OSBPL6: variants seen among roughly 807,000 people sequenced by gnomAD.
OSBPL6 encodes oxysterol-binding protein-related protein 6.
A neutral mutation model predicts 125.8 loss-of-function variants in OSBPL6; 49 were observed. That is an observed-to-expected ratio of 0.39 (90% confidence interval 0.31 to 0.49). OSBPL6 has a LOEUF of 0.49. Among genes scored for constraint, OSBPL6 ranks in the 20% least tolerant of loss-of-function variants. The pLI is 0.88. For synonymous variants in OSBPL6, 394 were observed against 391.8 expected, an observed-to-expected ratio of 1.01 and a Z score of -0.07; for missense variants, 986 against 1,135.4, an observed-to-expected ratio of 0.87 and a Z score of 1.89.
chr2:178,289,229 G>A (rs1360453103), intron 2 of OSBPL6, among the ~76,000 whole-genome samples: 1 of 150,736 alleles, frequency 6.6e-6, no homozygotes, highest in Non-Finnish European at 1.5e-5. Context: ...TATTGGCCAG[G>A]CTGGTCTCAA....
intron 1 of OSBPL6, among the ~76,000 whole-genome samples, chr2:178,260,379 ATG>A (rs2092020182): frequency 6.6e-6 from 1 of 152,024 alleles, no homozygotes; most frequent in Non-Finnish European, 1.5e-5. Context: ...GTATATGTAT[ATG>A]TGTATGTGTA....
In OSBPL6 at chr2:178,331,554, T is replaced by G; in HGVS notation, c.321T>G (p.Arg107=). Residue 107 remains arginine (R), a splice_region_variant and synonymous_variant, in exon 6 of 25, where the codon CGT becomes CGG. Coordinates refer to ENST00000190611, the MANE Select transcript of OSBPL6 (RefSeq NM_032523.4). ...RKWPLKGWHK[R]FFVLDNGMLK... ...CTGGGGGTGTTTGGTTCTTGCAGCG[T>G]TTTTTTGTCCTGGATAATGGAATGT... 2 of 1,613,820 alleles carry G rather than the reference T, an allele frequency of 1.2e-6. No homozygotes were observed. The highest frequency in any genetic ancestry group is 1.7e-6 in the Non-Finnish European group (2 of 1,179,750).
intron 4 of OSBPL6, among the ~76,000 whole-genome samples, chr2:178,325,799 A>G (rs1470401311): frequency 3.3e-5 from 5 of 152,326 alleles, no homozygotes; most frequent in East Asian, 3.9e-4. Context: ...TCAAACAGCA[A>G]TTCTTCCTAG....
At chr2:178,227,236 A>G (rs1038589914) in intron 1 of OSBPL6, among the ~76,000 whole-genome samples, 1 of 152,232 alleles carries the variant, frequency 6.6e-6, no homozygotes, top group East Asian at 1.9e-4. Flanking sequence ...TTGGAGGGAA[A>G]TGCAAGTCAC....
intron 13 of OSBPL6, among the ~76,000 whole-genome samples, chr2:178,363,432 A>C (rs986644720): frequency 6.6e-6 from 1 of 152,218 alleles, no homozygotes; most frequent in Non-Finnish European, 1.5e-5. Flanking sequence ...TGTTCCCAGC[A>C]AGCTCGTGAT....
intron 1 of OSBPL6, among the ~76,000 whole-genome samples, chr2:178,225,003 T>TTCTCTCTCTCTCTCTC (rs10679680): frequency 1.3e-5 from 2 of 148,442 alleles, no homozygotes; most frequent in East Asian, 3.9e-4. Context: ...CTCTCTCTCT[T>TTCTCTCTCTCTCTCTC]TCTCTCTCTC....
intron 15 of OSBPL6, among the ~76,000 whole-genome samples, chr2:178,379,958 A>T (rs1351401246): frequency 2.6e-5 from 4 of 152,216 alleles, no homozygotes; most frequent in Non-Finnish European, 5.9e-5. Context: ...TTTTTAAAAC[A>T]TTAGCAATAA....
At chr2:178,377,057 A>G (rs1465069505) in intron 15 of OSBPL6, among the ~76,000 whole-genome samples, 2 of 152,196 alleles carry the variant, frequency 1.3e-5, no homozygotes, top group Non-Finnish European at 2.9e-5. Flanking sequence ...GGACAATCTC[A>G]TCTGCCCAAG....
intron 3 of OSBPL6, among the ~76,000 whole-genome samples, chr2:178,311,469 T>C (rs1396863823): frequency 6.6e-6 from 1 of 152,196 alleles, no homozygotes; most frequent in Non-Finnish European, 1.5e-5. Context: ...TATGTCTGTA[T>C]CCCCTTCCTG....
intron 1 of OSBPL6, among the ~76,000 whole-genome samples, chr2:178,197,366 A>G (rs1408493001): frequency 1.3e-5 from 2 of 152,210 alleles, no homozygotes; most frequent in African/African-American, 4.8e-5. Context: ...ACTGGAGGGT[A>G]GCATGTGGGG....
Position 178,361,822 on chromosome 2 carries a change from A to G in OSBPL6, c.1287+7A>G, listed in dbSNP as rs1278623831. 6.2e-7 allele frequency: 1 copy of G among 1,613,918 alleles called. No individual in the cohort carries two copies. The stretch of plus-strand genomic sequence containing the variant: ...CCGACAGTCACTGTCTCAGGTAGGC[A>G]AAGAGTGTGTGTTTGCATGTACATG... On this transcript the variant is annotated splice_region_variant and intron_variant, in intron 13 of 24. Coordinates refer to ENST00000190611, the MANE Select transcript of OSBPL6 (RefSeq NM_032523.4).
chr2:178,356,707 A>G (rs1034117575), intron 12 of OSBPL6, among the ~76,000 whole-genome samples: 3 of 152,222 alleles, frequency 2.0e-5, no homozygotes, highest in East Asian at 1.9e-4. Flanking sequence ...CAAGCTACCA[A>G]TGACTTTCTT....
intron 3 of OSBPL6, among the ~76,000 whole-genome samples, chr2:178,322,058 T>A (rs1688291264): frequency 6.6e-6 from 1 of 152,220 alleles, no homozygotes; most frequent in Admixed American, 6.5e-5. Context: ...TCCCCTCGTA[T>A]CTATACAGGA....
chr2:178,374,514 GCTGA>G, intron 15 of OSBPL6, among the ~76,000 whole-genome samples: 1 of 152,172 alleles, frequency 6.6e-6, no homozygotes, highest in East Asian at 1.9e-4. Context: ...GAGGTTAACC[GCTGA>G]CTATCATAAA....
At chr2:178,284,905 G>T (rs1330987534) in intron 1 of OSBPL6, 22 bp from the exon 2 acceptor site, 2 of 396,880 alleles carry the variant, frequency 5.0e-6, no homozygotes, top group South Asian at 1.4e-4. Flanking sequence ...TGTACTATAT[G>T]ACTGTAATCT....
rs540269327 is a variant in OSBPL6, at chr2:178,235,398, C to CTTTTTTT, written c.-351+40744_-351+40750dup. On this transcript the variant is annotated intron_variant, in intron 1 of 24. Coordinates refer to ENST00000190611, the MANE Select transcript of OSBPL6 (RefSeq NM_032523.4). Reference sequence around the variant, plus strand: ...CTTTCTTTCCTTTTTCTTTTCTTTTCTTTTTTTTTTTTTTTTTTTTTTTTT... The same window carrying CTTTTTTT: ...CTTTCTTTCCTTTTTCTTTTCTTTTCTTTTTTTTTTTTTTTTTTTTTTTTTTTTTTTT... 2.4e-4 allele frequency among the ~76,000 whole-genome samples: 19 copies of CTTTTTTT among 78,024 alleles called. 1 individual carries two copies. Among genetic ancestry groups the CTTTTTTT allele is most frequent in the East Asian group, 8.1e-4 (2 of 2,462 alleles). 51.2% of individuals were successfully genotyped at this position (78,024 alleles called of 152,430 possible).
chr2:178,352,972 G>A (rs1297284914), intron 12 of OSBPL6, among the ~76,000 whole-genome samples: 1 of 152,202 alleles, frequency 6.6e-6, no homozygotes, highest in African/African-American at 2.4e-5. Context: ...TGGACCTCCA[G>A]CAAACTCCAA....
chr2:178,387,235 C>T, intron 20 of OSBPL6, 96 bp downstream of exon 20: 1 of 936,676 alleles, frequency 1.1e-6, no homozygotes, highest in Non-Finnish European at 1.6e-6. Context: ...GTTTCTTTCT[C>T]TTTATACCCA....
rs1019562055 is a variant in OSBPL6 at position 178,370,458 on chromosome 2, A to G, written c.1288-1668A>G. Among the ~76,000 whole-genome samples, 4 of 152,218 alleles carry G rather than the reference A, an allele frequency of 2.6e-5. No individual in the cohort carries two copies. In the East Asian group the frequency reaches 5.8e-4, roughly 22 times the overall value. On this transcript the variant is annotated intron_variant, in intron 13 of 24. Coordinates refer to ENST00000190611, the MANE Select transcript of OSBPL6 (RefSeq NM_032523.4). ...AGCATCTTTTGTGGTCCTAACTTAT[A>G]GGAGAAAGGCCTATGGTACTCACAA...
Sources: allele counts gnomAD v4.1 joint callset (sites outside exome capture counted in the v4.1 genomes callset), GRCh38; gene constraint gnomAD v4.1.1; transcripts MANE v1.5; gene names NCBI Gene and HGNC (gene_info 2026-07-23, HGNC 2026-07-21).